The following SPRED2 variants were observed in gnomAD, a reference collection of about 807,000 sequenced individuals.
SPRED2 encodes sprouty-related, EVH1 domain-containing protein 2.
SPRED2 carries 47 observed loss-of-function variants against 43.0 expected under a neutral mutation model. The ratio of observed to expected loss-of-function variants is 1.09; its 90% CI spans 0.87 to 1.40. The LOEUF is 1.40. SPRED2 is among the 40% of genes most tolerant of loss of function. The pLI, the probability that SPRED2 is intolerant of heterozygous loss-of-function variation, is 0.00. For synonymous variants in SPRED2, 225 were observed against 225.7 expected, an observed-to-expected ratio of 1.00 and a Z score of 0.03; for missense variants, 561 against 586.4, an observed-to-expected ratio of 0.96 and a Z score of 0.45.
At chr2:65,363,000 GTTTTGTTTTTTTTTT>G (rs1674864340) in intron 1 of SPRED2, among the ~76,000 whole-genome samples, 2 of 66,984 alleles carry the variant, frequency 3.0e-5, no homozygotes, top group Admixed American at 1.9e-4. Context: ...TGGTCATCAT[GTTTTGTTTTTTTTTT>G]TTTTTTTTTT....
At chr2:65,309,402 G>A (rs1379585289), downstream of SPRED2, among the ~76,000 whole-genome samples, 2 of 151,268 alleles carry the variant, frequency 1.3e-5, no homozygotes, top group Non-Finnish European at 2.9e-5. Context: ...GCTACTCGAG[G>A]GGATAAGGTG....
intron 4 of SPRED2, among the ~76,000 whole-genome samples, chr2:65,319,528 CT>C (rs1283005284): frequency 6.6e-6 from 1 of 152,138 alleles, no homozygotes; most frequent in Non-Finnish European, 1.5e-5. Flanking sequence ...CACCAATTCT[CT>C]TTTGTGACTT....
At chr2:65,380,893 C>T (rs952029896) in intron 1 of SPRED2, among the ~76,000 whole-genome samples, 4 of 152,158 alleles carry the variant, frequency 2.6e-5, no homozygotes, top group African/African-American at 9.7e-5. Context: ...ATAGATTATG[C>T]TCCATCAAAG....
chr2:65,424,897 CAA>C (rs1676522189), intron 1 of SPRED2, among the ~76,000 whole-genome samples: 2 of 151,730 alleles, frequency 1.3e-5, no homozygotes, highest in East Asian at 3.8e-4. Context: ...GACAACAGAT[CAA>C]GAGTCTGTTT....
intron 1 of SPRED2, chr2:65,366,733 A>T: frequency 1.3e-6 from 2 of 1,495,390 alleles, no homozygotes; most frequent in Non-Finnish European, 1.8e-6. Context: ...GGTTTCCCCC[A>T]TATATGATTC....
At chr2:65,413,756 T>C (rs1238348127) in intron 1 of SPRED2, among the ~76,000 whole-genome samples, 1 of 152,218 alleles carries the variant, frequency 6.6e-6, no homozygotes, top group Non-Finnish European at 1.5e-5. Flanking sequence ...CTGGGGGGTC[T>C]GAGTGCTTCC....
At chr2:65,377,769 G>T in intron 1 of SPRED2, 1 of 466,450 alleles carries the variant, frequency 2.1e-6, no homozygotes, top group South Asian at 1.6e-5. Flanking sequence ...CTAGGTAACT[G>T]TCAAAGCGGC....
At chr2:65,308,391 T>A (rs1046293811), downstream of SPRED2, 37 of 985,334 alleles carry the variant, frequency 3.8e-5, no homozygotes, top group Non-Finnish European at 4.1e-5. Context: ...CTTGGAGCTG[T>A]GAACATACCT....
chr2:65,351,932 G>A (rs967382008), intron 1 of SPRED2, among the ~76,000 whole-genome samples: 2 of 152,116 alleles, frequency 1.3e-5, no homozygotes, highest in African/African-American at 4.8e-5. Flanking sequence ...AACTTTATGG[G>A]CAAGGAAAGT....
intron 1 of SPRED2, among the ~76,000 whole-genome samples, chr2:65,372,375 C>T (rs1675145433): frequency 6.6e-6 from 1 of 152,118 alleles, no homozygotes; most frequent in Admixed American, 6.5e-5. Flanking sequence ...ATCCAAAATA[C>T]ATTAGAAATA....
intron 3 of SPRED2, among the ~76,000 whole-genome samples, chr2:65,333,321 A>G (rs1055736863): frequency 3.3e-5 from 5 of 152,086 alleles, no homozygotes; most frequent in Admixed American, 6.6e-5. Flanking sequence ...AATGAAAACA[A>G]TTGCTCAGAA....
intron 2 of SPRED2, among the ~76,000 whole-genome samples, chr2:65,335,242 C>T (rs1450056769): frequency 1.3e-5 from 2 of 152,196 alleles, no homozygotes; most frequent in South Asian, 2.1e-4. Flanking sequence ...TTCTCTGGCT[C>T]ATCATCTCTG....
chr2:65,414,460 C>T (rs983859328), intron 1 of SPRED2, among the ~76,000 whole-genome samples: 8 of 152,130 alleles, frequency 5.3e-5, no homozygotes, highest in African/African-American at 1.9e-4. Flanking sequence ...TTGAGAACCA[C>T]GGAGGCTGTG....
At chr2:65,344,697 C>T (rs376062167) in intron 2 of SPRED2, 22 bp downstream of exon 2, 65 of 1,612,556 alleles carry the variant, frequency 4.0e-5, no homozygotes, top group African/African-American at 3.7e-4. Context: ...ATTTAACCCA[C>T]GAGTTGTATG....
chr2:65,317,513 AAACAAC>A (rs200353741), intron 4 of SPRED2, among the ~76,000 whole-genome samples: 34,871 of 147,190 alleles, frequency 0.24, 4,342 homozygotes, highest in Non-Finnish European at 0.28. Flanking sequence ...ACTCCATCTC[AAACAAC>A]AACAACAACA....
At chr2:65,412,722 A>T (rs918687223) in intron 1 of SPRED2, among the ~76,000 whole-genome samples, 7 of 152,130 alleles carry the variant, frequency 4.6e-5, no homozygotes, top group African/African-American at 1.7e-4. Context: ...CAGCTTCTTC[A>T]TCTCCTTGCC....
chr2:65,397,507 C>G (rs745862923), intron 1 of SPRED2, among the ~76,000 whole-genome samples: 16 of 152,126 alleles, frequency 1.1e-4, no homozygotes, highest in Non-Finnish European at 2.2e-4. Context: ...CTACCTAAAC[C>G]AAGATAATTT....
rs1673115520 is a variant in SPRED2 at position 65,313,117 on chromosome 2, C to T, written c.*384G>A. ...TGGAAAAATCAACTACAAAACCCAC[C>T]GAAAATCAGCAGTTCCAATTGCAGA... is the stretch of plus-strand genomic sequence containing the variant. On this transcript the variant is annotated 3_prime_UTR_variant, in exon 6 of 6. Transcript: ENST00000356388. The T allele has an allele frequency of 1.0e-6, 1 of 1,000,912 alleles. No individual in the cohort carries two copies. The highest frequency in any genetic ancestry group is 1.2e-6 in the Non-Finnish European group (1 of 840,728). The allele number at this position is 1,000,912 out of a possible 1,614,324, so 62.0% of individuals were successfully genotyped here. A position where few individuals can be genotyped will look rare whatever the true frequency, so the allele number is the denominator to read the frequency against.
chr2:65,431,449 C>T (rs1369582155), intron 1 of SPRED2, among the ~76,000 whole-genome samples: 1 of 152,062 alleles, frequency 6.6e-6, no homozygotes, highest in Admixed American at 6.5e-5. Context: ...CTCGCTCCGC[C>T]GTGTTTTTTA....
Sources: allele counts gnomAD v4.1 joint callset (sites outside exome capture counted in the v4.1 genomes callset), GRCh38; gene constraint gnomAD v4.1.1; transcripts MANE v1.5; gene names NCBI Gene and HGNC (gene_info 2026-07-23, HGNC 2026-07-21).